The following USP37 variants were observed in gnomAD, a reference collection of about 807,000 sequenced individuals.
The protein encoded by USP37 is ubiquitin specific peptidase 37.
A neutral mutation model predicts 124.0 loss-of-function variants in USP37; 27 were observed. The observed-to-expected ratio is 0.22, with a 90% CI of 0.16 to 0.30. The LOEUF (loss-of-function observed/expected upper bound fraction) is 0.30. Among genes scored for constraint, USP37 ranks in the 10% least tolerant of loss-of-function variants. USP37 has a pLI of 1.00. For synonymous variants in USP37, 365 were observed against 388.0 expected (o/e 0.94, Z 0.70); for missense variants, 889 against 1,140.4 (o/e 0.78, Z 3.17).
chr2:218,456,461 G>GAA (rs570569201), intron 24 of USP37, among the ~76,000 whole-genome samples: 4 of 115,902 alleles, frequency 3.5e-5, no homozygotes, highest in Admixed American at 1.8e-4. Context: ...CCTGTCTCTT[G>GAA]AAAAAAAAAA....
chr2:218,497,646 GC>G, intron 13 of USP37, 87 bp downstream of exon 13: 1 of 1,532,654 alleles, frequency 6.5e-7, no homozygotes. Flanking sequence ...CAGGTGACCT[GC>G]CCACCTAGGC....
rs1689461055 is a variant in USP37, at chr2:218,450,955, T to C, written c.*3975A>G. The C allele has an allele frequency of 6.6e-6, 1 of 152,220 alleles. No homozygotes were observed. Among genetic ancestry groups the C allele is most frequent in the African/African-American group, 2.4e-5 (1 of 41,444 alleles). The allele number at this position is 152,220 out of a possible 1,614,324, so 9.4% of individuals were successfully genotyped here. A position where few individuals can be genotyped will look rare whatever the true frequency, so the allele number is the denominator to read the frequency against. ...GTATGATACAATGAATGAGACTGCCTGAAGTCTAGTAATCAAAGCATGCCA... is the reference window on the plus strand; with the variant it reads ...GTATGATACAATGAATGAGACTGCCCGAAGTCTAGTAATCAAAGCATGCCA... On this transcript the variant is annotated 3_prime_UTR_variant, in exon 26 of 26. Coordinates refer to ENST00000258399, the MANE Select transcript of USP37 (RefSeq NM_020935.3).
At position 218,455,560 on chromosome 2, in the gene USP37, AATC is replaced by A. The variant is rs1478508512; in HGVS notation, c.2852+17_2852+19del. On this transcript the variant is annotated intron_variant, in intron 25 of 25. Transcript: ENST00000258399. ...CGGTGATTTCTAACTCATTATTTAG[AATC>A]TGGCAAAGTTTCTTACTTGTGCATA... 6.3e-7 allele frequency: 1 copy of A among 1,580,906 alleles called. No individual in the cohort carries two copies.
intron 11 of USP37, among the ~76,000 whole-genome samples, chr2:218,506,575 A>C (rs918565136): frequency 6.8e-6 from 1 of 146,912 alleles, no homozygotes; most frequent in Non-Finnish European, 1.5e-5. Context: ...GTGAGCCACC[A>C]CGCCCGGCCC....
rs746576703 is a variant in USP37, at chr2:218,454,963, C to T, written c.2907G>A (p.Thr969=). Residue 969 remains threonine, a synonymous_variant, in exon 26 of 26, where the codon ACG becomes ACA. Transcript: ENST00000258399. The stretch of plus-strand genomic sequence containing the variant: ...CCTGACGGGTAGTCTTCCCCACTTC[C>T]GTGCTAAGTGACTGAGAGTTCTTTT... ...ETEKNSQSLS[T]EVGKTTRQAL is the part of the protein sequence containing the mutation. 1.1e-5 allele frequency: 18 copies of T among 1,613,958 alleles called. No homozygotes were observed. Among genetic ancestry groups the T allele is most frequent in the East Asian group, 8.9e-5 (4 of 44,894 alleles).
intron 1 of USP37, among the ~76,000 whole-genome samples, chr2:218,563,768 T>C (rs1693436941): frequency 6.6e-6 from 1 of 152,052 alleles, no homozygotes; most frequent in South Asian, 2.1e-4. Context: ...AAGAAGCTCC[T>C]AGAGGCCAGG....
chr2:218,465,660 C>T (rs938672032), intron 21 of USP37, among the ~76,000 whole-genome samples: 3 of 152,068 alleles, frequency 2.0e-5, no homozygotes, highest in Non-Finnish European at 2.9e-5. Flanking sequence ...TGGGTTCAAG[C>T]GATTCTCCTG....
intron 11 of USP37, among the ~76,000 whole-genome samples, chr2:218,503,716 AAAAAAGAAAAAG>A (rs141771441): frequency 4.6e-5 from 7 of 152,168 alleles, no homozygotes; most frequent in Non-Finnish European, 7.3e-5. Context: ...ACTCCATCTC[AAAAAAGAAAAAG>A]AAAAAGAAAA....
At chr2:218,501,041 CTTT>C (rs57037342) in intron 11 of USP37, 9 of 134,768 alleles carry the variant, frequency 6.7e-5, no homozygotes, top group Admixed American at 7.4e-5. Context: ...CACATCCAAT[CTTT>C]TTTTTTTTTT....
intron 18 of USP37, among the ~76,000 whole-genome samples, chr2:218,479,158 A>T (rs1376116861): frequency 6.6e-6 from 1 of 152,226 alleles, no homozygotes; most frequent in Admixed American, 6.5e-5. Flanking sequence ...ACAAAAAAAT[A>T]GGGCATTTGT....
intron 20 of USP37, among the ~76,000 whole-genome samples, chr2:218,467,887 TTTTG>T (rs1690443913): frequency 6.6e-6 from 1 of 150,734 alleles, no homozygotes; most frequent in South Asian, 2.1e-4. Flanking sequence ...TTCATGTTTT[TTTTG>T]TTTTTTTTTT....
chr2:218,543,230 G>T (rs1326067695), intron 8 of USP37, among the ~76,000 whole-genome samples: 3 of 152,098 alleles, frequency 2.0e-5, no homozygotes, highest in African/African-American at 7.2e-5. Context: ...GGACAGGCAT[G>T]GTGGCTCATG....
At chr2:218,526,900 C>G (rs1002071607) in intron 10 of USP37, among the ~76,000 whole-genome samples, 2 of 144,304 alleles carry the variant, frequency 1.4e-5, no homozygotes, top group South Asian at 2.3e-4. Context: ...GCCATTCACC[C>G]GCCTCAGCCT....
intron 10 of USP37, among the ~76,000 whole-genome samples, chr2:218,520,203 A>C (rs879669612): frequency 6.6e-5 from 10 of 152,012 alleles, no homozygotes; most frequent in Non-Finnish European, 1.2e-4. Flanking sequence ...CAGCCTCCCA[A>C]AGTACTGGGA....
chr2:218,560,201 A>G (rs969270648), intron 3 of USP37, among the ~76,000 whole-genome samples: 4 of 152,222 alleles, frequency 2.6e-5, no homozygotes, highest in Non-Finnish European at 5.9e-5. Flanking sequence ...TAAAAACACT[A>G]CTTCTAAAGT....
At chr2:218,522,564 A>C (rs1690718846) in intron 10 of USP37, among the ~76,000 whole-genome samples, 1 of 126 alleles carries the variant, frequency 7.9e-3, no homozygotes, top group Non-Finnish European at 0.031. Flanking sequence ...CTCCACCACA[A>C]AAAAAAAAAA....
At position 218,546,248 on chromosome 2, in the gene USP37, T is replaced by C. The variant is rs1692314519; in HGVS notation, c.653A>G (p.Asp218Gly). The C allele has an allele frequency of 1.2e-6, 2 of 1,613,126 alleles. No individual in the cohort carries two copies. Residue 218 changes from aspartate to glycine, a missense_variant, in exon 8 of 26, where the codon GAT becomes GGT. Physicochemically the swap from Asp to Gly is moderately conservative, Grantham distance 94 (BLOSUM62 -1). This residue lies in a region of USP37 where 374 missense variants were observed against 386.0 expected (regional missense o/e 0.97). Coordinates refer to ENST00000258399, the MANE Select transcript of USP37 (RefSeq NM_020935.3). ...MISTGSELNE[D>G]YPKENDSSSN... ...TGATGAATCATTTTCCTTAGGGTAA[T>C]CTTCATTCAATTCTGAGCCAGTTGA...
chr2:218,478,517 G>C lies in USP37; in HGVS notation c.1901+1133C>G, dbSNP rs533933091. 2.0e-5 allele frequency among the ~76,000 whole-genome samples: 3 copies of C among 152,252 alleles called. No homozygotes were observed. The East Asian group carries it at 5.8e-4, about 29-fold the overall frequency. ...TCTTTTAAGTTTGATCGGCATGACA[G>C]GTCTTCTAGGGCCTAATCATTCTTT... On this transcript the variant is annotated intron_variant, in intron 18 of 25. Transcript: ENST00000258399.
intron 10 of USP37, among the ~76,000 whole-genome samples, chr2:218,520,072 C>T (rs1040366652): frequency 3.3e-5 from 5 of 151,390 alleles, no homozygotes; most frequent in Admixed American, 1.3e-4. Flanking sequence ...TGAGTAGCTG[C>T]GATTACAGGT....
Sources: gnomAD v4.1 joint callset for allele counts (sites outside exome capture counted in the v4.1 genomes callset) on GRCh38, gnomAD v4.1.1 for gene constraint, gnomAD v4.1.1 regional missense constraint, MANE v1.5 for transcripts, NCBI Gene and HGNC (gene_info 2026-07-23, HGNC 2026-07-21) for gene names.